TDRD3: variants seen among roughly 807,000 people sequenced by gnomAD.
The protein encoded by TDRD3 is tudor domain containing 3, also known as tudor domain-containing protein 3.
A neutral mutation model predicts 86.7 loss-of-function variants in TDRD3; 45 were observed. That is an observed-to-expected ratio of 0.52 (90% CI 0.41 to 0.67). The LOEUF (loss-of-function observed/expected upper bound fraction) is 0.67, where lower values mean the gene tolerates loss of function less well. Among genes scored for constraint, TDRD3 ranks in the 30% least tolerant of loss-of-function variants. TDRD3 has a pLI of 0.00. For synonymous variants in TDRD3, 298 were observed against 301.7 expected (o/e 0.99, Z 0.13); for missense variants, 814 against 889.0 (o/e 0.92, Z 1.07).
chr13:60,448,596 G>T (rs749123949), intron 3 of TDRD3, among the ~76,000 whole-genome samples: 3 of 152,004 alleles, frequency 2.0e-5, no homozygotes, highest in Non-Finnish European at 4.4e-5. Context: ...TTTTCTTATA[G>T]GCACTTCATA....
intron 8 of TDRD3, among the ~76,000 whole-genome samples, chr13:60,500,376 A>G (rs894920405): frequency 1.3e-5 from 2 of 152,176 alleles, no homozygotes; most frequent in African/African-American, 4.8e-5. Flanking sequence ...ATGGTCTCCA[A>G]TCCTGCCACC....
upstream of TDRD3, among the ~76,000 whole-genome samples, chr13:60,396,121 G>C (rs978099812): frequency 6.6e-6 from 1 of 152,182 alleles, no homozygotes; most frequent in Non-Finnish European, 1.5e-5. Flanking sequence ...CCTCTGCCCA[G>C]TTCCGCAGTC....
At chr13:60,511,081 G>A (rs1450633723) in intron 10 of TDRD3, among the ~76,000 whole-genome samples, 1 of 151,894 alleles carries the variant, frequency 6.6e-6, no homozygotes, top group East Asian at 1.9e-4. Context: ...TATTTTGCTT[G>A]TGAAATTGAT....
intron 1 of TDRD3, among the ~76,000 whole-genome samples, chr13:60,409,728 G>C (rs1288488410): frequency 6.6e-6 from 1 of 152,184 alleles, no homozygotes; most frequent in Non-Finnish European, 1.5e-5. Flanking sequence ...GATTGTACAG[G>C]CTCATAGGTG....
intron 4 of TDRD3, 63 bp downstream of exon 4, chr13:60,460,603 A>C: frequency 7.0e-7 from 1 of 1,435,932 alleles, no homozygotes; most frequent in Non-Finnish European, 9.2e-7. Flanking sequence ...CAATTGGAAT[A>C]ACTTAAGAAT....
chr13:60,526,623 T>G (rs1429579700), intron 10 of TDRD3, among the ~76,000 whole-genome samples: 2 of 152,058 alleles, frequency 1.3e-5, no homozygotes, highest in East Asian at 3.9e-4. Context: ...AAAGTTTTTT[T>G]TTTTTTTTTT....
At chr13:60,397,759 G>T (rs1187788554) in intron 1 of TDRD3, among the ~76,000 whole-genome samples, 1 of 151,732 alleles carries the variant, frequency 6.6e-6, no homozygotes, top group Non-Finnish European at 1.5e-5. Context: ...CCGTCCGCGC[G>T]GCTTCTCCGG....
At chr13:60,572,955 A>G (rs1321534131) in intron 13 of TDRD3, among the ~76,000 whole-genome samples, 1 of 152,178 alleles carries the variant, frequency 6.6e-6, no homozygotes, top group Admixed American at 6.5e-5. Flanking sequence ...GTATTTTCTA[A>G]GCAGGAGACT....
chr13:60,397,168 G>C (rs1467745011), upstream of TDRD3: 31 of 407,306 alleles, frequency 7.6e-5, no homozygotes, highest in Non-Finnish European at 1.1e-4. Flanking sequence ...CGGCCCCTAC[G>C]GCCGCTCAGA....
In TDRD3 at chr13:60,444,664, A is replaced by G; in HGVS notation, c.127-19A>G. ...CTCTTTTCTATAATTCCATTTTAAT[A>G]ATAATATTTTTATTTTAGACAGATC... On this transcript the variant is annotated intron_variant, in intron 2 of 13. Transcript: ENST00000377881. 8 of 1,264,348 alleles carry G rather than the reference A, an allele frequency of 6.3e-6. No homozygotes were observed. The highest frequency in any genetic ancestry group is 8.6e-6 in the Non-Finnish European group (8 of 929,946). 78.3% of individuals were successfully genotyped at this position (1,264,348 alleles called of 1,614,324 possible). A position where few individuals can be genotyped will look rare whatever the true frequency, so the allele number is the denominator to read the frequency against.
intron 8 of TDRD3, among the ~76,000 whole-genome samples, chr13:60,495,631 T>C (rs1305388565): frequency 6.6e-6 from 1 of 152,108 alleles, no homozygotes; most frequent in Admixed American, 6.5e-5. Flanking sequence ...ACCCAGCTAA[T>C]TTTTTGCATT....
At chr13:60,498,400 G>A (rs184635794) in intron 8 of TDRD3, among the ~76,000 whole-genome samples, 10 of 152,268 alleles carry the variant, frequency 6.6e-5, no homozygotes, top group East Asian at 1.9e-4. Context: ...AAGGTTAAGC[G>A]TGGCTACTGT....
chr13:60,467,980 G>T (rs1156673123), intron 5 of TDRD3, among the ~76,000 whole-genome samples: 4 of 152,090 alleles, frequency 2.6e-5, no homozygotes, highest in Non-Finnish European at 5.9e-5. Flanking sequence ...TATTACTGTA[G>T]TGTAGGTCTT....
chr13:60,419,329 A>G (rs1005808616), intron 1 of TDRD3, among the ~76,000 whole-genome samples: 14 of 152,172 alleles, frequency 9.2e-5, no homozygotes, highest in Non-Finnish European at 1.9e-4. Context: ...TAATGTGACT[A>G]TTAGCTCTTC....
At chr13:60,473,018 T>A (rs1364542192) in intron 5 of TDRD3, among the ~76,000 whole-genome samples, 1 of 152,220 alleles carries the variant, frequency 6.6e-6, no homozygotes, top group African/African-American at 2.4e-5. Flanking sequence ...TTTACTCCAT[T>A]TTCTGCTGCT....
chr13:60,403,795 T>TA (rs1485414725), intron 1 of TDRD3, among the ~76,000 whole-genome samples: 3 of 152,236 alleles, frequency 2.0e-5, no homozygotes, highest in Non-Finnish European at 4.4e-5. Flanking sequence ...TTTTCACATG[T>TA]AGTACAATTT....
At chr13:60,543,519 A>G (rs1221381842) in intron 12 of TDRD3, among the ~76,000 whole-genome samples, 2 of 152,120 alleles carry the variant, frequency 1.3e-5, no homozygotes, top group Admixed American at 1.3e-4. Context: ...AGAACCTATT[A>G]TACAATGTCT....
At chr13:60,488,332 G>T (rs985110668) in intron 7 of TDRD3, among the ~76,000 whole-genome samples, 2 of 152,150 alleles carry the variant, frequency 1.3e-5, no homozygotes, top group African/African-American at 4.8e-5. Context: ...TTTTTGAAAG[G>T]CCTGAGTGTC....
chr13:60,500,232 T>G (rs1306704568), intron 8 of TDRD3, among the ~76,000 whole-genome samples: 1 of 152,204 alleles, frequency 6.6e-6, no homozygotes, highest in Non-Finnish European at 1.5e-5. Context: ...ACTGGGTGCT[T>G]TCTGACCTAT....
Sources: gnomAD v4.1 joint callset for allele counts (sites outside exome capture counted in the v4.1 genomes callset) on GRCh38, gnomAD v4.1.1 for gene constraint, MANE v1.5 for transcripts, NCBI Gene and HGNC (gene_info 2026-07-23, HGNC 2026-07-21) for gene names.